The following TFF1 variants were observed in gnomAD, a reference collection of about 807,000 sequenced individuals.
The protein encoded by TFF1 is trefoil factor 1, also known as breast cancer estrogen-inducible protein.
Under a neutral mutation model 7.7 loss-of-function variants are expected in TFF1, and 8 were observed. The observed-to-expected ratio is 1.04, with a 90% CI of 0.61 to 1.87. The LOEUF is 1.87. TFF1 is among the 40% of genes most tolerant of loss of function. The probability of loss-of-function intolerance (pLI) is 0.00; values close to 1 mark genes in which losing one functional copy is unlikely to be tolerated. For missense variants in TFF1, 120 were observed against 113.4 expected (o/e 1.06, Z -0.26); for synonymous variants, 47 against 44.8 (o/e 1.05, Z -0.19).
intron 1 of TFF1, among the ~76,000 whole-genome samples, chr21:42,365,609 A>C (rs1443780400): frequency 1.3e-5 from 2 of 152,038 alleles, no homozygotes; most frequent in Non-Finnish European, 2.9e-5. Context: ...TCCTGCCCCC[A>C]CCTTGAAACT....
At position 42,363,373 on chromosome 21, in the gene TFF1, A is replaced by G. The variant is rs894922808; in HGVS notation, c.120T>C (p.Asn40=). ...TCTVAPRERQ[N]CGFPGVTPSQ... ...AGGGCGTGACACCAGGAAAACCACA[A>G]TTCTGTCTTTCACGGGGGGCCACTG... Residue 40 remains asparagine, a synonymous_variant, in exon 2 of 3, where the codon AAT becomes AAC. Coordinates refer to ENST00000291527, the MANE Select transcript of TFF1 (RefSeq NM_003225.3). 1 of 1,614,036 alleles carries G rather than the reference A, an allele frequency of 6.2e-7. No homozygotes were observed. Among genetic ancestry groups the G allele is most frequent in the South Asian group, 1.1e-5 (1 of 91,074 alleles).
At position 42,363,362 on chromosome 21, in the gene TFF1, G is replaced by A. The variant is rs770654486; in HGVS notation, c.131C>T (p.Pro44Leu). The change falls in exon 2 of 3, where the codon CCT becomes CTT. Residue 44 changes from proline (P) to leucine (L), a missense_variant. Transcript: ENST00000291527. ...APRERQNCGF[P>L]GVTPSQCANK... ...TGCACACTGGGAGGGCGTGACACCA[G>A]GAAAACCACAATTCTGTCTTTCACG... 4.3e-6 allele frequency: 7 copies of A among 1,614,184 alleles called. No individual in the cohort carries two copies. The highest frequency in any genetic ancestry group is 1.6e-4 in the Middle Eastern group (1 of 6,062).
chr21:42,363,619 G>A (rs1471100606), intron 1 of TFF1, among the ~76,000 whole-genome samples: 1 of 152,224 alleles, frequency 6.6e-6, no homozygotes, highest in Non-Finnish European at 1.5e-5. Context: ...CCCCAGGTTT[G>A]TGGACTTTGC....
rs539734896 is a variant in TFF1 at position 42,365,070 on chromosome 21, G to A, written c.85+1341C>T. Among the ~76,000 whole-genome samples the A allele has an allele frequency of 3.7e-4, 57 of 152,242 alleles. 1 individual carries two copies. The East Asian group carries it at 5.6e-3, about 15-fold the overall frequency. On this transcript the variant is annotated intron_variant, in intron 1 of 2. Coordinates refer to ENST00000291527, the MANE Select transcript of TFF1 (RefSeq NM_003225.3). The stretch of plus-strand genomic sequence containing the variant: ...CTTGCCCACCCGCTTTGTCTTTGTC[G>A]CATGATGGAAATAAATGGAAATGGT...
chr21:42,364,389 G>A lies in TFF1; in HGVS notation c.86-982C>T, dbSNP rs76590793. Among the ~76,000 whole-genome samples the A allele has an allele frequency of 7.6e-3, 1,159 of 152,330 alleles. 14 individuals are homozygous for A. The highest frequency in any genetic ancestry group is 0.027 in the African/African-American group (1,114 of 41,562). ...AGGTAAGGTGAGAGGACCGGGTGGG[G>A]TGGTCTAGGAGGAGCCGACAGAGGG... On this transcript the variant is annotated intron_variant, in intron 1 of 2. Coordinates refer to ENST00000291527, the MANE Select transcript of TFF1 (RefSeq NM_003225.3).
chr21:42,365,120 G>A (rs2052269483), intron 1 of TFF1, among the ~76,000 whole-genome samples: 2 of 152,168 alleles, frequency 1.3e-5, no homozygotes, highest in African/African-American at 4.8e-5. Context: ...GCACTAAACT[G>A]TAATCACAAT....
intron 1 of TFF1, 40 bp downstream of exon 1, chr21:42,366,371 C>A (rs1178791831): frequency 6.6e-7 from 1 of 1,514,732 alleles, no homozygotes; most frequent in Non-Finnish European, 9.0e-7. Context: ...GCTGCCAGAG[C>A]TGGCTGTGGC....
chr21:42,362,741 A>G, intron 2 of TFF1, among the ~76,000 whole-genome samples: 1 of 152,022 alleles, frequency 6.6e-6, no homozygotes, highest in South Asian at 2.1e-4. Context: ...AACCCCGTCT[A>G]TACTAAAAAT....
intron 1 of TFF1, among the ~76,000 whole-genome samples, chr21:42,365,555 G>A (rs1203456394): frequency 6.6e-6 from 1 of 152,098 alleles, no homozygotes; most frequent in East Asian, 1.9e-4. Context: ...CCCTCTTCAG[G>A]CCTCTCTGGA....
At chr21:42,364,889 C>A (rs73225474) in intron 1 of TFF1, among the ~76,000 whole-genome samples, 12 of 152,136 alleles carry the variant, frequency 7.9e-5, no homozygotes, top group African/African-American at 2.7e-4. Flanking sequence ...CTGGATCCAT[C>A]GCGACGTGAA....
At chr21:42,363,536 T>G in intron 1 of TFF1, 129 bp from the exon 2 acceptor site, 1 of 1,214,592 alleles carries the variant, frequency 8.2e-7, no homozygotes, top group South Asian at 1.6e-5. Context: ...TATAAAACCC[T>G]CAGGACATGA....
intron 1 of TFF1, 102 bp from the exon 2 acceptor site, chr21:42,363,509 C>A: frequency 7.1e-7 from 1 of 1,410,356 alleles, no homozygotes. Flanking sequence ...ACATCAGCAA[C>A]TGTCCAGTGA....
intron 2 of TFF1, 96 bp downstream of exon 2, chr21:42,363,159 G>A: frequency 6.6e-7 from 1 of 1,523,876 alleles, no homozygotes; most frequent in Non-Finnish European, 9.0e-7. Flanking sequence ...CTGTGTAAAG[G>A]CATAGCTGGT....
chr21:42,363,908 C>T (rs367808677), intron 1 of TFF1, among the ~76,000 whole-genome samples: 235 of 152,176 alleles, frequency 1.5e-3, no homozygotes, highest in African/African-American at 5.2e-3. Context: ...GAGTTCAAGA[C>T]CAGCCTGACC....
At chr21:42,365,317 G>A (rs912367265) in intron 1 of TFF1, among the ~76,000 whole-genome samples, 11 of 152,004 alleles carry the variant, frequency 7.2e-5, no homozygotes, top group South Asian at 2.1e-4. Flanking sequence ...CCTGGGGGTG[G>A]CCAGCACGGG....
chr21:42,365,021 T>C (rs1449856924), intron 1 of TFF1, among the ~76,000 whole-genome samples: 1 of 152,132 alleles, frequency 6.6e-6, no homozygotes, highest in African/African-American at 2.4e-5. Context: ...CCAGCCCCGG[T>C]GCTCTGCCTC....
intron 2 of TFF1, 93 bp downstream of exon 2, chr21:42,363,162 T>C (rs1480323081): frequency 2.3e-5 from 36 of 1,544,146 alleles, no homozygotes; most frequent in Non-Finnish European, 3.2e-5. Flanking sequence ...TGTAAAGGCA[T>C]AGCTGGTGAT....
At chr21:42,363,093 C>G (rs2052251876) in intron 2 of TFF1, among the ~76,000 whole-genome samples, 162 bp downstream of exon 2, 1 of 152,054 alleles carries the variant, frequency 6.6e-6, no homozygotes, top group Admixed American at 6.5e-5. Flanking sequence ...TATTCCTGGA[C>G]CTGAATGCAG....
intron 1 of TFF1, among the ~76,000 whole-genome samples, chr21:42,365,354 G>A (rs552057102): frequency 4.3e-4 from 65 of 152,232 alleles, no homozygotes; most frequent in Non-Finnish European, 7.2e-4. Flanking sequence ...TCTGTACACC[G>A]AGGCCACTTC....
Sources: allele counts gnomAD v4.1 joint callset (sites outside exome capture counted in the v4.1 genomes callset), GRCh38; gene constraint gnomAD v4.1.1; transcripts MANE v1.5; gene names NCBI Gene and HGNC (gene_info 2026-07-23, HGNC 2026-07-21).